The following PLCB1 variants were observed in gnomAD, a reference collection of about 807,000 sequenced individuals.
The protein encoded by PLCB1 is phospholipase C beta 1, also known as 1-phosphatidylinositol 4,5-bisphosphate phosphodiesterase beta-1.
A neutral mutation model predicts 161.8 loss-of-function variants in PLCB1; 46 were observed. The ratio of observed to expected loss-of-function variants is 0.28; its 90% confidence interval spans 0.22 to 0.36. The LOEUF is 0.36. PLCB1 is among the 10% of genes least tolerant of loss of function. The pLI is 1.00. For synonymous variants in PLCB1, 517 were observed against 503.7 expected (o/e 1.03, Z -0.35); for missense variants, 1,016 against 1,472.5 (o/e 0.69, Z 5.07).
At chr20:8,231,518 A>G (rs1980034845) in intron 2 of PLCB1, among the ~76,000 whole-genome samples, 2 of 152,326 alleles carry the variant, frequency 1.3e-5, no homozygotes, top group African/African-American at 2.4e-5. Context: ...CATGGTACAT[A>G]GGTCCTGCAC....
chr20:8,379,048 G>A, intron 3 of PLCB1, among the ~76,000 whole-genome samples: 1 of 152,006 alleles, frequency 6.6e-6, no homozygotes, highest in Non-Finnish European at 1.5e-5. Context: ...GTATACGCAT[G>A]CCATGGTGGT....
At chr20:8,490,229 A>G (rs1272067635) in intron 3 of PLCB1, among the ~76,000 whole-genome samples, 1 of 152,152 alleles carries the variant, frequency 6.6e-6, no homozygotes, top group African/African-American at 2.4e-5. Flanking sequence ...AATGTAATCC[A>G]TTTCTGAGCC....
intron 2 of PLCB1, among the ~76,000 whole-genome samples, chr20:8,333,241 C>G (rs974275867): frequency 6.6e-6 from 1 of 152,142 alleles, no homozygotes; most frequent in Non-Finnish European, 1.5e-5. Flanking sequence ...AGCCATCTGA[C>G]CATGAATACC....
intron 31 of PLCB1, among the ~76,000 whole-genome samples, chr20:8,796,906 G>GT (rs1469469111): frequency 6.6e-6 from 1 of 152,008 alleles, no homozygotes; most frequent in Non-Finnish European, 1.5e-5. Flanking sequence ...GTTTTTTCTT[G>GT]TATCTTCTGC....
At chr20:8,875,080 G>T (rs1027060370) in intron 31 of PLCB1, among the ~76,000 whole-genome samples, 2 of 151,488 alleles carry the variant, frequency 1.3e-5, no homozygotes, top group Non-Finnish European at 3.0e-5. Flanking sequence ...TTAATGAGCT[G>T]CTTTCATCTA....
At chr20:8,358,491 T>G (rs1461746894) in intron 2 of PLCB1, among the ~76,000 whole-genome samples, 1 of 152,116 alleles carries the variant, frequency 6.6e-6, no homozygotes, top group Admixed American at 6.5e-5. Context: ...CCTCAGGTGA[T>G]CCACCCACCT....
chr20:8,814,304 A>G (rs977875247), intron 31 of PLCB1, among the ~76,000 whole-genome samples: 2 of 152,228 alleles, frequency 1.3e-5, no homozygotes, highest in African/African-American at 4.8e-5. Context: ...CTTTTGGAAC[A>G]TTCTGTCTAA....
rs535936703 is a variant in PLCB1 at position 8,882,994 on chromosome 20, A to C, written c.*1145A>C. On this transcript the variant is annotated 3_prime_UTR_variant, in exon 32 of 32. Transcript: ENST00000338037. ...AAATTCAGGGACAAATGGATAGAGAAGAAAAGGGTCAAACATCGAGATTAC... is the reference window on the plus strand; with the variant it reads ...AAATTCAGGGACAAATGGATAGAGACGAAAAGGGTCAAACATCGAGATTAC... 7.9e-5 allele frequency: 12 copies of C among 152,772 alleles called. No homozygotes were observed. In the East Asian group the frequency reaches 2.3e-3, roughly 29 times the overall value. 9.5% of individuals were successfully genotyped at this position (152,772 alleles called of 1,614,324 possible).
intron 3 of PLCB1, among the ~76,000 whole-genome samples, chr20:8,586,338 T>A (rs1018637173): frequency 6.9e-6 from 1 of 145,620 alleles, no homozygotes; most frequent in African/African-American, 2.6e-5. Context: ...TCTTTTTCTT[T>A]TTTATTTATT....
At chr20:8,643,746 T>C (rs1006864123) in intron 4 of PLCB1, among the ~76,000 whole-genome samples, 1 of 81,150 alleles carries the variant, frequency 1.2e-5, no homozygotes, top group Non-Finnish European at 2.4e-5. Context: ...AAAATAGCCC[T>C]CTCCCTCTCC....
chr20:8,681,084 G>GTGTGTGTGTGTA (rs1555782771), intron 9 of PLCB1, among the ~76,000 whole-genome samples: 5 of 39,776 alleles, frequency 1.3e-4, no homozygotes, highest in Admixed American at 2.8e-4. Flanking sequence ...ATATGTGTGT[G>GTGTGTGTGTGTA]TGTATATATA....
At chr20:8,478,722 A>G (rs1568691550) in intron 3 of PLCB1, among the ~76,000 whole-genome samples, 1 of 152,120 alleles carries the variant, frequency 6.6e-6, no homozygotes, top group East Asian at 1.9e-4. Context: ...TTTTTCCTCA[A>G]AATTATAGAT....
At chr20:8,880,353 T>TATTA (rs1264259436) in intron 31 of PLCB1, among the ~76,000 whole-genome samples, 1 of 152,190 alleles carries the variant, frequency 6.6e-6, no homozygotes, top group East Asian at 1.9e-4. Context: ...CCAGCTTTTA[T>TATTA]ATTATTTTAT....
chr20:8,563,482 G>T (rs186211489), intron 3 of PLCB1, among the ~76,000 whole-genome samples: 1 of 152,082 alleles, frequency 6.6e-6, no homozygotes, highest in Non-Finnish European at 1.5e-5. Context: ...GGCTGATGCG[G>T]TTCAGAGAAG....
chr20:8,248,250 A>G (rs1461894527), intron 2 of PLCB1, among the ~76,000 whole-genome samples: 1 of 151,854 alleles, frequency 6.6e-6, no homozygotes, highest in Admixed American at 6.6e-5. Flanking sequence ...TGGCTTTTAC[A>G]TTCCTTCATC....
chr20:8,338,553 T>G (rs1256447405), intron 2 of PLCB1, among the ~76,000 whole-genome samples: 1 of 152,176 alleles, frequency 6.6e-6, no homozygotes, highest in Admixed American at 6.6e-5. Context: ...AACTTAAAAG[T>G]CATCAATAAA....
rs113327571 is a variant in PLCB1 at position 8,756,543 on chromosome 20, C to T, written c.2524-503C>T. Among the ~76,000 whole-genome samples, 841 of 152,302 alleles carry T rather than the reference C, an allele frequency of 5.5e-3. 6 individuals are homozygous for T. The highest frequency in any genetic ancestry group is 0.019 in the African/African-American group (801 of 41,570). ...ATCCAGACCAGACTCATAGACTCAG[C>T]TCATCTCAGCCGGGTTCACTCAAGT... On this transcript the variant is annotated intron_variant, in intron 23 of 31. Transcript: ENST00000338037.
chr20:8,825,004 G>A (rs184797779), intron 31 of PLCB1, among the ~76,000 whole-genome samples: 49 of 152,288 alleles, frequency 3.2e-4, no homozygotes, highest in African/African-American at 1.2e-3. Flanking sequence ...AGGAAGGTTG[G>A]CATTATATCT....
At chr20:8,742,607 A>G (rs1292741843) in intron 23 of PLCB1, among the ~76,000 whole-genome samples, 1 of 152,162 alleles carries the variant, frequency 6.6e-6, no homozygotes, top group Non-Finnish European at 1.5e-5. Context: ...CTTTTTATGC[A>G]CAATTGTTAC....
Sources: gnomAD v4.1 joint callset for allele counts (sites outside exome capture counted in the v4.1 genomes callset) on GRCh38, gnomAD v4.1.1 for gene constraint, MANE v1.5 for transcripts, NCBI Gene and HGNC (gene_info 2026-07-23, HGNC 2026-07-21) for gene names.